The following MOB2 variants were observed in gnomAD, a reference collection of about 807,000 sequenced individuals.
The protein encoded by MOB2 is MOB kinase activator 2, also known as MOB2 Mps One Binder homolog.
In MOB2, 14 loss-of-function variants were observed where a neutral mutation model predicts 27.4. The observed-to-expected ratio is 0.51, with a 90% confidence interval of 0.34 to 0.80. The LOEUF (loss-of-function observed/expected upper bound fraction) is 0.80. MOB2 is among the 30% of genes least tolerant of loss of function. MOB2 has a pLI of 0.01. For synonymous variants in MOB2, 167 were observed against 151.8 expected (o/e 1.10, Z -0.74); for missense variants, 304 against 354.6 (o/e 0.86, Z 1.15).
chr11:1,474,465 G>T (rs1326402981), intron 3 of MOB2, among the ~76,000 whole-genome samples: 1 of 152,192 alleles, frequency 6.6e-6, no homozygotes, highest in East Asian at 1.9e-4. Context: ...CAAAAGCTTT[G>T]GAGTTTTAGA....
chr11:1,480,230 G>A (rs547694269), intron 3 of MOB2, among the ~76,000 whole-genome samples, 163 bp downstream of exon 3: 7 of 152,220 alleles, frequency 4.6e-5, no homozygotes, highest in Middle Eastern at 3.2e-3. Context: ...CCAGCCTGTG[G>A]CCTTTCCACA....
At chr11:1,475,157 T>C (rs1847838658) in intron 3 of MOB2, among the ~76,000 whole-genome samples, 1 of 152,252 alleles carries the variant, frequency 6.6e-6, no homozygotes, top group Non-Finnish European at 1.5e-5. Flanking sequence ...AGTTTATAAC[T>C]AAGGATCGCA....
rs1445891419 is a variant in MOB2, at chr11:1,469,682, G to C, written c.*490C>G. Reference sequence around the variant, plus strand: ...CACACCACAGGCCTCCCCCACCTCTGAGCTGCCAACAGCCAAGACTCCTGG... The same window carrying C: ...CACACCACAGGCCTCCCCCACCTCTCAGCTGCCAACAGCCAAGACTCCTGG... On this transcript the variant is annotated 3_prime_UTR_variant, in exon 5 of 5. Coordinates refer to ENST00000329957, the MANE Select transcript of MOB2 (RefSeq NM_001172223.3). 2.2e-6 allele frequency: 1 copy of C among 457,808 alleles called. No individual in the cohort carries two copies. 28.4% of individuals were successfully genotyped at this position (457,808 alleles called of 1,614,324 possible). A position where few individuals can be genotyped will look rare whatever the true frequency, so the allele number is the denominator to read the frequency against.
chr11:1,480,920 C>CGTGT (rs1847905732), intron 1 of MOB2, 35 bp from the exon 2 acceptor site: 2 of 1,548,036 alleles, frequency 1.3e-6, no homozygotes, highest in East Asian at 4.9e-5. Flanking sequence ...GGTCACTACA[C>CGTGT]GCCCATCAGA....
chr11:1,470,043 C>A lies in MOB2; in HGVS notation c.*129G>T. The A allele has an allele frequency of 1.3e-6, 2 of 1,536,292 alleles. No homozygotes were observed. Among genetic ancestry groups the A allele is most frequent in the Non-Finnish European group, 1.7e-6 (2 of 1,146,640 alleles). The stretch of plus-strand genomic sequence containing the variant: ...GCGTCTGTGCCTGTGCAGCCCACAC[C>A]AGTGCAGCCCGGGGCCCTCTCAGAC... On this transcript the variant is annotated 3_prime_UTR_variant, in exon 5 of 5. Transcript: ENST00000329957.
intron 1 of MOB2, among the ~76,000 whole-genome samples, chr11:1,484,483 G>C (rs866297343): frequency 6.6e-6 from 1 of 152,118 alleles, no homozygotes. Context: ...GAAAGTCAAG[G>C]CTCCCAGTGA....
chr11:1,483,136 G>A lies in MOB2; in HGVS notation c.111-2251C>T, dbSNP rs144925149. Among the ~76,000 whole-genome samples the A allele has an allele frequency of 1.7e-4, 26 of 152,300 alleles. No individual in the cohort carries two copies. In the East Asian group the frequency reaches 2.5e-3, roughly 15 times the overall value. ...CAGGCTCTGAAACAGGCTCTGTGCC[G>A]TCCAGGCCCAGAGGTCTGCCCAGTC... On this transcript the variant is annotated intron_variant, in intron 1 of 4. Transcript: ENST00000329957.
intron 2 of MOB2, 46 bp downstream of exon 2, chr11:1,480,679 A>AGGAGCAG (rs1486040916): frequency 6.3e-7 from 1 of 1,584,946 alleles, no homozygotes. Context: ...GGCTTCGAGG[A>AGGAGCAG]GGAGCAGGGA....
rs1847973625 is a variant in MOB2 at position 1,486,649 on chromosome 11, C to T, written c.-93G>A. 6 of 827,310 alleles carry T rather than the reference C, an allele frequency of 7.3e-6. No individual in the cohort carries two copies. Among genetic ancestry groups the T allele is most frequent in the Non-Finnish European group, 1.2e-5 (6 of 518,896 alleles). 51.2% of individuals were successfully genotyped at this position (827,310 alleles called of 1,614,324 possible). On this transcript the variant is annotated 5_prime_UTR_variant, in exon 1 of 5. It adds an upstream start codon to the 5' untranslated region. Transcript: ENST00000329957. ...CCTGCTGCCGGGCCCTCCAGCCTCACTCCCTGGCCAATGGGACGCCTGGCA... is the reference window on the plus strand; with the variant it reads ...CCTGCTGCCGGGCCCTCCAGCCTCATTCCCTGGCCAATGGGACGCCTGGCA...
chr11:1,472,827 C>T (rs1290347578), intron 3 of MOB2: 2 of 54,558 alleles, frequency 3.7e-5, no homozygotes, highest in Non-Finnish European at 9.4e-5. Context: ...CCAGTGTCTC[C>T]GGGCACAGGG....
At position 1,469,589 on chromosome 11, in the gene MOB2, G is replaced by T. The variant is rs1421613711; in HGVS notation, c.*583C>A. ...GGCCTTGCCTGAGGACTGCACCATG[G>T]GTGTTCCTTGGGCATGGAGGAGGCA... On this transcript the variant is annotated 3_prime_UTR_variant, in exon 5 of 5. Transcript: ENST00000329957. 2.2e-6 allele frequency: 1 copy of T among 456,842 alleles called. No homozygotes were observed. The highest frequency in any genetic ancestry group is 4.4e-6 in the Non-Finnish European group (1 of 227,072). The allele number at this position is 456,842 out of a possible 1,614,324, so 28.3% of individuals were successfully genotyped here. A position where few individuals can be genotyped will look rare whatever the true frequency, so the allele number is the denominator to read the frequency against.
intron 4 of MOB2, among the ~76,000 whole-genome samples, chr11:1,470,705 C>A (rs1847777114): frequency 6.6e-6 from 1 of 152,216 alleles, no homozygotes; most frequent in Admixed American, 6.5e-5. Context: ...GACCTCCCTG[C>A]GTGCTCAGGC....
At position 1,470,221 on chromosome 11, in the gene MOB2, C is replaced by G; in HGVS notation, c.758G>C (p.Gly253Ala). ...TGCTCCCGGGCCCCCGCTGCCGGCC[C>G]CATCCCCACTGCCCCCACTGTGGAC... The part of the protein sequence containing the change: ...GGVHSGGSGD[G>A]AGSGGPGAQN... Residue 253 changes from glycine (G) to alanine (A), a missense_variant, in exon 5 of 5, where the codon GGG (glycine) becomes GCG (alanine). Gly to Ala is a moderately conservative substitution (Grantham distance 60). Transcript: ENST00000329957. 6.2e-7 allele frequency: 1 copy of G among 1,612,308 alleles called. No individual in the cohort carries two copies. The highest frequency in any genetic ancestry group is 8.5e-7 in the Non-Finnish European group (1 of 1,179,756).
rs1564908150 is a variant in MOB2, at chr11:1,471,296, G to GT, written c.488dup (p.Tyr163Ter). The change falls in exon 4 of 5, where the codon TAC becomes TAAC. Residue 163 changes from tyrosine to a stop codon, truncating the protein, a stop_gained and frameshift_variant and splice_region_variant. Transcript: ENST00000329957. LOFTEE classifies it high-confidence loss of function. Reference sequence around the variant, plus strand: ...CGCCCAGTGCTGGGGGAGACGAACCGTATTTTGTGGGGAACACGTCCTCAT... The same window carrying GT: ...CGCCCAGTGCTGGGGGAGACGAACCGTTATTTTGTGGGGAACACGTCCTCAT... ...VTDEDVFPTKYGREFPSSFES... is the reference protein window; with the variant it reads ...VTDEDVFPTK 6.2e-7 allele frequency: 1 copy of GT among 1,612,188 alleles called. No homozygotes were observed. The highest frequency in any genetic ancestry group is 8.5e-7 in the Non-Finnish European group (1 of 1,179,238).
intron 1 of MOB2, among the ~76,000 whole-genome samples, chr11:1,485,774 C>T (rs533054716): frequency 1.8e-4 from 27 of 152,138 alleles, no homozygotes; most frequent in Admixed American, 9.2e-4. Flanking sequence ...CACACTTGGG[C>T]GCACACTCCC....
chr11:1,469,987 AG>A lies in MOB2; in HGVS notation c.*184del, dbSNP rs1564907256. On this transcript the variant is annotated 3_prime_UTR_variant, in exon 5 of 5. Transcript: ENST00000329957. ...TACAAACGGCACGCATCCATCCGAC[AG>A]GGGGCCACAGGACACGGCCGGGGCC... The A allele has an allele frequency of 4.1e-6, 6 of 1,458,706 alleles. No individual in the cohort carries two copies. Among genetic ancestry groups the A allele is most frequent in the Non-Finnish European group, 4.6e-6 (5 of 1,077,332 alleles). The allele number at this position is 1,458,706 out of a possible 1,614,324, so 90.4% of individuals were successfully genotyped here. A position where few individuals can be genotyped will look rare whatever the true frequency, so the allele number is the denominator to read the frequency against.
chr11:1,471,637 A>C, intron 3 of MOB2: 1 of 519,176 alleles, frequency 1.9e-6, no homozygotes, highest in Non-Finnish European at 3.3e-6. Context: ...GCTGACTTAG[A>C]ACTACGCCAG....
chr11:1,471,479 G>C, intron 3 of MOB2, 60 bp from the exon 4 acceptor site: 1 of 1,564,514 alleles, frequency 6.4e-7, no homozygotes, highest in East Asian at 2.3e-5. Flanking sequence ...CAGCCACTGG[G>C]TCCCACCCGC....
At position 1,471,418 on chromosome 11, in the gene MOB2, G is replaced by C; in HGVS notation, c.367C>G (p.Gln123Glu). The change falls in exon 4 of 5, where the codon CAG becomes GAG. Residue 123 changes from glutamine to glutamate, a missense_variant and splice_region_variant. Transcript: ENST00000329957. ...TCQTMAVCNTQYYWYDERGKK... is the reference protein window; with the variant it reads ...TCQTMAVCNTEYYWYDERGKK... ...CCCCGCTCGTCATACCAGTAGTACT[G>C]TCTGTGGAGACAGAGACACGGTCAG... The C allele has an allele frequency of 6.2e-7, 1 of 1,610,704 alleles. No homozygotes were observed. The highest frequency in any genetic ancestry group is 8.5e-7 in the Non-Finnish European group (1 of 1,178,168).
Sources: gnomAD v4.1 joint callset for allele counts (sites outside exome capture counted in the v4.1 genomes callset) on GRCh38, gnomAD v4.1.1 for gene constraint, MANE v1.5 for transcripts, NCBI Gene and HGNC (gene_info 2026-07-23, HGNC 2026-07-21) for gene names.